Variants in ADGRL2 observed in about 807,000 individuals in gnomAD.
The protein encoded by ADGRL2 is adhesion G protein-coupled receptor L2.
In ADGRL2, 44 loss-of-function variants were observed where a neutral mutation model predicts 157.4. That is an observed-to-expected ratio of 0.28 (90% CI 0.22 to 0.36). The LOEUF (loss-of-function observed/expected upper bound fraction) is 0.36, where lower values mean the gene tolerates loss of function less well. Among genes scored for constraint, ADGRL2 ranks in the 10% least tolerant of loss-of-function variants. The probability of loss-of-function intolerance (pLI) is 1.00; values close to 1 mark genes in which losing one functional copy is unlikely to be tolerated. For missense variants in ADGRL2, 1,510 were observed against 1,768.9 expected (o/e 0.85, Z 2.63); for synonymous variants, 585 against 624.7 (o/e 0.94, Z 0.95).
At chr1:81,558,745 T>C (rs988579398) in intron 2 of ADGRL2, among the ~76,000 whole-genome samples, 2 of 152,242 alleles carry the variant, frequency 1.3e-5, no homozygotes, top group Non-Finnish European at 2.9e-5. Flanking sequence ...ATGTTTGTTA[T>C]TCTCATTTCA....
At chr1:81,625,149 G>T (rs536466261) in intron 3 of ADGRL2, among the ~76,000 whole-genome samples, 3 of 152,134 alleles carry the variant, frequency 2.0e-5, no homozygotes, top group Non-Finnish European at 4.4e-5. Context: ...AAATGAAAAA[G>T]CTCCTTCAGT....
At chr1:81,347,788 A>T (rs1024996943) in intron 1 of ADGRL2, among the ~76,000 whole-genome samples, 1 of 152,204 alleles carries the variant, frequency 6.6e-6, no homozygotes, top group African/African-American at 2.4e-5. Flanking sequence ...TTAATCAGGC[A>T]TCTCTGCAAA....
At chr1:81,468,258 C>G (rs1012662212) in intron 2 of ADGRL2, among the ~76,000 whole-genome samples, 2 of 152,140 alleles carry the variant, frequency 1.3e-5, no homozygotes, top group Non-Finnish European at 2.9e-5. Flanking sequence ...AGTATCTTCA[C>G]TGGTATAAAT....
At chr1:81,336,930 A>C (rs966618676) in intron 1 of ADGRL2, among the ~76,000 whole-genome samples, 12 of 151,772 alleles carry the variant, frequency 7.9e-5, no homozygotes, top group Admixed American at 1.3e-4. Flanking sequence ...AGCAGCAGAG[A>C]AGGAAAGAAG....
At chr1:81,390,167 C>T (rs1283158950) in intron 1 of ADGRL2, among the ~76,000 whole-genome samples, 1 of 152,302 alleles carries the variant, frequency 6.6e-6, no homozygotes, top group Non-Finnish European at 1.5e-5. Context: ...AAGAGTCCTG[C>T]TTTTATCCAT....
intron 1 of ADGRL2, among the ~76,000 whole-genome samples, chr1:81,382,629 A>C (rs1570785552): frequency 6.6e-6 from 1 of 152,244 alleles, no homozygotes; most frequent in Non-Finnish European, 1.5e-5. Flanking sequence ...ATTAACTAAG[A>C]AATGAGTTTG....
chr1:81,626,392 A>G (rs757731061), intron 3 of ADGRL2, among the ~76,000 whole-genome samples: 6 of 151,928 alleles, frequency 3.9e-5, no homozygotes, highest in Non-Finnish European at 8.8e-5. Context: ...TGCAGCCTCA[A>G]CCTCCCGGGC....
chr1:81,393,656 G>A (rs1034991113), intron 1 of ADGRL2, among the ~76,000 whole-genome samples: 5 of 152,128 alleles, frequency 3.3e-5, no homozygotes, highest in Non-Finnish European at 5.9e-5. Flanking sequence ...ATGCTACCAT[G>A]TAAGACCCCT....
Position 81,856,414 on chromosome 1 carries a change from G to A in ADGRL2, c.73+19357G>A, listed in dbSNP as rs186783608. On this transcript the variant is annotated intron_variant, in intron 2 of 23. Coordinates refer to ENST00000686636, the MANE Select transcript of ADGRL2 (RefSeq NM_001366006.2). Reference sequence around the variant, plus strand: ...CTTCTTCTTTTTGTATGAAGCCACAGCCTACATTGGTCTGAGGATCATGGA... The same window carrying A: ...CTTCTTCTTTTTGTATGAAGCCACAACCTACATTGGTCTGAGGATCATGGA... Among the ~76,000 whole-genome samples the A allele has an allele frequency of 1.2e-4, 18 of 152,224 alleles. No homozygotes were observed. The East Asian group carries it at 3.5e-3, about 30-fold the overall frequency.
Position 81,461,938 on chromosome 1 carries a change from G to T in ADGRL2, c.-248+16849G>T, listed in dbSNP as rs987265896. Among the ~76,000 whole-genome samples, 16 of 146,374 alleles carry T rather than the reference G, an allele frequency of 1.1e-4. 1 individual carries two copies. Among genetic ancestry groups the T allele is most frequent in the African/African-American group, 4.0e-4 (16 of 40,380 alleles). The stretch of plus-strand genomic sequence containing the variant: ...AAGGAAGAAAAGAAGAAAGGGGGGG[G>T]GGGGTGGTGGAGAAAGAGAGAGACA... On this transcript the variant is annotated intron_variant, in intron 2 of 24. Coordinates refer to the ADGRL2 transcript ENST00000370721.
intron 1 of ADGRL2, among the ~76,000 whole-genome samples, chr1:81,404,421 A>G (rs903499231): frequency 2.6e-5 from 4 of 152,244 alleles, no homozygotes; most frequent in Non-Finnish European, 1.5e-5. Flanking sequence ...TAATCAATTT[A>G]TCTTCATAAT....
chr1:81,552,892 T>C (rs927831071), intron 2 of ADGRL2, among the ~76,000 whole-genome samples: 67 of 152,326 alleles, frequency 4.4e-4, no homozygotes, highest in African/African-American at 1.5e-3. Flanking sequence ...AAATTACTAT[T>C]CTTGAAAGCC....
intron 1 of ADGRL2, among the ~76,000 whole-genome samples, chr1:81,392,227 C>A (rs368566067): frequency 9.5e-5 from 14 of 147,090 alleles, no homozygotes; most frequent in African/African-American, 1.2e-4. Flanking sequence ...CCCATCCCCA[C>A]AAAAAAAAAA....
intron 2 of ADGRL2, among the ~76,000 whole-genome samples, chr1:81,559,690 G>A (rs1467241128): frequency 2.0e-5 from 3 of 152,076 alleles, no homozygotes; most frequent in Non-Finnish European, 2.9e-5. Context: ...AAAAAGTATT[G>A]TAGAAAAGTA....
intron 3 of ADGRL2, among the ~76,000 whole-genome samples, chr1:81,614,798 A>G (rs2081609169): frequency 6.6e-6 from 1 of 151,648 alleles, no homozygotes; most frequent in South Asian, 2.1e-4. Flanking sequence ...GCGGAGGCAG[A>G]TGTTCAAGAC....
At chr1:81,421,352 T>C (rs1048243337) in intron 1 of ADGRL2, among the ~76,000 whole-genome samples, 10 of 152,136 alleles carry the variant, frequency 6.6e-5, no homozygotes, top group Non-Finnish European at 8.8e-5. Flanking sequence ...AAACTAAAAT[T>C]GTACAATAAT....
chr1:81,317,068 T>A (rs1427756102), intron 1 of ADGRL2, among the ~76,000 whole-genome samples: 1 of 152,084 alleles, frequency 6.6e-6, no homozygotes, highest in Non-Finnish European at 1.5e-5. Context: ...CTGGTGACAT[T>A]TGGTAATTTT....
At chr1:81,350,605 C>T (rs2100830256) in intron 1 of ADGRL2, among the ~76,000 whole-genome samples, 1 of 152,214 alleles carries the variant, frequency 6.6e-6, no homozygotes, top group South Asian at 2.1e-4. Context: ...ACAGATTTCA[C>T]GGAAATATAA....
chr1:81,483,877 C>T (rs983491900), intron 2 of ADGRL2, among the ~76,000 whole-genome samples: 2 of 152,124 alleles, frequency 1.3e-5, no homozygotes, highest in African/African-American at 4.8e-5. Flanking sequence ...TGAACATTCC[C>T]TAAATCATGG....
Sources: allele counts gnomAD v4.1 joint callset (sites outside exome capture counted in the v4.1 genomes callset), GRCh38; gene constraint gnomAD v4.1.1; transcripts MANE v1.5; gene names NCBI Gene and HGNC (gene_info 2026-07-23, HGNC 2026-07-21).